The following CA4 variants were observed in gnomAD, a reference collection of about 807,000 sequenced individuals.
CA4 encodes the protein CA-IV.
CA4 carries 24 observed loss-of-function variants against 34.5 expected under a neutral mutation model. The ratio of observed to expected loss-of-function variants is 0.70; its 90% CI spans 0.50 to 0.98. The LOEUF (loss-of-function observed/expected upper bound fraction) is 0.98, where lower values mean the gene tolerates loss of function less well. Among genes scored for constraint, CA4 ranks in the 50% least tolerant of loss-of-function variants. CA4 has a pLI of 0.00. For synonymous variants in CA4, 178 were observed against 170.6 expected, an observed-to-expected ratio of 1.04 and a Z score of -0.34; for missense variants, 394 against 396.7, an observed-to-expected ratio of 0.99 and a Z score of 0.06.
At chr17:60,175,951 G>A in the CA4 span, among the ~76,000 whole-genome samples, 1 of 151,538 alleles carries the variant, frequency 6.6e-6, no homozygotes, top group Non-Finnish European at 1.5e-5. Context: ...CAAGTAGCTG[G>A]GATTACAGGC....
intron 1 of CA4, chr17:60,151,469 G>T (rs1409656749): frequency 6.6e-6 from 1 of 152,218 alleles, no homozygotes; most frequent in Admixed American, 6.5e-5. Flanking sequence ...CTACTAAGCA[G>T]CTAGAAAGTA....
intron 1 of CA4, among the ~76,000 whole-genome samples, chr17:60,150,744 T>G (rs2083577520): frequency 8.1e-6 from 1 of 123,942 alleles, no homozygotes; most frequent in African/African-American, 2.8e-5. Context: ...CCCAGCCTCC[T>G]CCGTCTGCCC....
the CA4 span, among the ~76,000 whole-genome samples, chr17:60,178,086 G>A: frequency 1.3e-5 from 2 of 151,904 alleles, no homozygotes; most frequent in Non-Finnish European, 2.9e-5. Context: ...TTAAAAAAAA[G>A]ACAAATATCA....
At chr17:60,161,489 A>C (rs2083788120), downstream of CA4, among the ~76,000 whole-genome samples, 1 of 152,000 alleles carries the variant, frequency 6.6e-6, no homozygotes, top group Non-Finnish European at 1.5e-5. Flanking sequence ...TCCTCACAGG[A>C]AGGCGTGCCC....
chr17:60,159,051 C>T (rs1367365219), intron 7 of CA4, 179 bp from the exon 8 acceptor site: 9 of 655,888 alleles, frequency 1.4e-5, no homozygotes, highest in African/African-American at 7.2e-5. Context: ...ACCCATGCCA[C>T]GCACCTCATT....
In CA4 at chr17:60,169,629, C is replaced by T. The variant is rs186560780; in HGVS notation, c.*179-922C>T. Among the ~76,000 whole-genome samples the T allele has an allele frequency of 2.2e-3, 333 of 152,198 alleles. 1 individual carries two copies. The highest frequency in any genetic ancestry group is 5.1e-3 in the African/African-American group (210 of 41,518). ...TCAGCCTCCCAAGTATCTGGGACTA[C>T]GGGCATGCGCCACCATGCTCAGCTG... On this transcript the variant is annotated intron_variant and NMD_transcript_variant, in intron 5 of 5. Coordinates refer to the CA4 transcript ENST00000586876.
At chr17:60,168,786 T>C (rs562200568) in intron 5 of CA4, among the ~76,000 whole-genome samples, 3 of 152,244 alleles carry the variant, frequency 2.0e-5, no homozygotes, top group African/African-American at 7.2e-5. Context: ...AAAGGACTAG[T>C]TGAAGAGCAC....
At chr17:60,153,520 A>G (rs1030557889) in intron 1 of CA4, among the ~76,000 whole-genome samples, 2 of 152,120 alleles carry the variant, frequency 1.3e-5, no homozygotes, top group African/African-American at 2.4e-5. Context: ...TCACCACTGT[A>G]CTTTCTTAAT....
downstream of CA4, among the ~76,000 whole-genome samples, chr17:60,174,440 G>A (rs2083939358): frequency 6.6e-6 from 1 of 151,762 alleles, no homozygotes; most frequent in South Asian, 2.1e-4. Context: ...GAACACTGGG[G>A]CCCACATTCC....
intron 2 of CA4, 42 bp downstream of exon 2, chr17:60,155,409 G>A (rs1313637591): frequency 2.6e-6 from 4 of 1,541,620 alleles, no homozygotes; most frequent in Non-Finnish European, 3.5e-6. Flanking sequence ...TGTGCATGGT[G>A]GGCACCACGC....
At chr17:60,154,870 G>C (rs916114657) in intron 1 of CA4, among the ~76,000 whole-genome samples, 1 of 152,208 alleles carries the variant, frequency 6.6e-6, no homozygotes, top group African/African-American at 2.4e-5. Flanking sequence ...ATCTGGGAAG[G>C]CTGCCCGGTT....
At chr17:60,158,036 T>C (rs1203277683) in intron 5 of CA4, 25 bp from the exon 6 acceptor site, 1 of 1,613,024 alleles carries the variant, frequency 6.2e-7, no homozygotes. Context: ...GCAGACTTTC[T>C]CAAGACCCTT....
chr17:60,156,609 C>T lies in CA4; in HGVS notation c.162C>T (p.Ile54=). The change falls in exon 3 of 8, where the codon ATC becomes ATT. Residue 54 remains isoleucine (I), a synonymous_variant. Transcript: ENST00000300900. The stretch of plus-strand genomic sequence containing the variant: ...GCCAGAAGGACCGCCAGTCCCCCAT[C>T]AACATCGTCACCACCAAGGCAAAGG... ...GNCQKDRQSP[I]NIVTTKAKVD... is the part of the protein sequence containing the mutation. 1 of 1,614,062 alleles carries T rather than the reference C, an allele frequency of 6.2e-7. No individual in the cohort carries two copies. The highest frequency in any genetic ancestry group is 8.5e-7 in the Non-Finnish European group (1 of 1,179,886).
downstream of CA4, among the ~76,000 whole-genome samples, chr17:60,160,316 G>A (rs1042112075): frequency 2.6e-5 from 4 of 152,242 alleles, no homozygotes; most frequent in Admixed American, 1.3e-4. Flanking sequence ...TTTATTGAGC[G>A]TTTATGCTCT....
chr17:60,159,569 C>A, downstream of CA4: 2 of 911,614 alleles, frequency 2.2e-6, no homozygotes, highest in South Asian at 1.5e-5. Context: ...GTGTTTTTAG[C>A]CTTCCACAAC....
At chr17:60,162,311 C>G (rs774100104), downstream of CA4, among the ~76,000 whole-genome samples, 1 of 152,118 alleles carries the variant, frequency 6.6e-6, no homozygotes, top group Non-Finnish European at 1.5e-5. Flanking sequence ...GTGTTCATGA[C>G]GAGCTTCCTG....
chr17:60,158,725 C>A, intron 7 of CA4: 1 of 522,092 alleles, frequency 1.9e-6, no homozygotes, highest in Non-Finnish European at 3.5e-6. Context: ...CAGCAGTGAG[C>A]CCAAAGGACC....
the CA4 span, among the ~76,000 whole-genome samples, chr17:60,178,024 G>A: frequency 2.0e-5 from 3 of 151,782 alleles, no homozygotes; most frequent in Admixed American, 1.3e-4. Context: ...CTTGATTAGA[G>A]AAAAAAATGA....
chr17:60,160,195 C>T (rs532757275), downstream of CA4, among the ~76,000 whole-genome samples: 6 of 152,286 alleles, frequency 3.9e-5, no homozygotes, highest in South Asian at 8.3e-4. Context: ...GACTGCATGA[C>T]GGCAGCCCCA....
Sources: allele counts gnomAD v4.1 joint callset (sites outside exome capture counted in the v4.1 genomes callset), GRCh38; gene constraint gnomAD v4.1.1; transcripts MANE v1.5; gene names NCBI Gene and HGNC (gene_info 2026-07-23, HGNC 2026-07-21).